Variants in KIAA1217 observed in about 807,000 individuals in gnomAD.
KIAA1217 encodes sickle tail protein homolog.
In KIAA1217, 88 loss-of-function variants were observed where a neutral mutation model predicts 163.9. The observed-to-expected ratio is 0.54, with a 90% CI of 0.45 to 0.64. The LOEUF (loss-of-function observed/expected upper bound fraction) is 0.64. KIAA1217 is among the 30% of genes least tolerant of loss of function. The pLI is 0.00. For synonymous variants in KIAA1217, 903 were observed against 923.1 expected (o/e 0.98, Z 0.39); for missense variants, 2,372 against 2,475.0 (o/e 0.96, Z 0.88).
chr10:24,446,191 G>T (rs988566208), intron 5 of KIAA1217, among the ~76,000 whole-genome samples: 2 of 152,106 alleles, frequency 1.3e-5, no homozygotes, highest in African/African-American at 4.8e-5. Context: ...TTTGAGAAGT[G>T]TCTGTTCATA....
At chr10:23,763,796 T>C (rs1834380567) in intron 1 of KIAA1217, among the ~76,000 whole-genome samples, 1 of 152,194 alleles carries the variant, frequency 6.6e-6, no homozygotes, top group Admixed American at 6.5e-5. Flanking sequence ...CTGTTTCATG[T>C]TGCTGTAAAG....
chr10:24,522,339 CG>C, intron 12 of KIAA1217, among the ~76,000 whole-genome samples: 1 of 151,934 alleles, frequency 6.6e-6, no homozygotes, highest in East Asian at 1.9e-4. Context: ...AAAAAATCAT[CG>C]GAAGGTGGGT....
upstream of KIAA1217, among the ~76,000 whole-genome samples, chr10:24,204,065 T>A (rs1396561832): frequency 6.6e-6 from 1 of 152,222 alleles, no homozygotes; most frequent in Non-Finnish European, 1.5e-5. Context: ...AAAGCAAATA[T>A]GCTTAAAGTA....
Position 23,839,937 on chromosome 10 carries a change from A to G in KIAA1217, c.-321+144703A>G, listed in dbSNP as rs1420036598. Among the ~76,000 whole-genome samples, 4 of 152,108 alleles carry G rather than the reference A, an allele frequency of 2.6e-5. No individual in the cohort carries two copies. The East Asian group carries it at 5.8e-4, about 22-fold the overall frequency. ...AAGGGCATACTTTTAATTGGTGGAA[A>G]TAGGTGGTAAAGGGGCCCCAGCTGC... On this transcript the variant is annotated intron_variant, in intron 1 of 18. Transcript: ENST00000376462.
intron 2 of KIAA1217, among the ~76,000 whole-genome samples, chr10:24,117,035 G>GC (rs2063080390): frequency 1.4e-5 from 2 of 147,336 alleles, no homozygotes; most frequent in South Asian, 2.2e-4. Context: ...TCCAAATAGT[G>GC]TTTTTTTTTT....
chr10:23,806,494 C>G (rs753845607), intron 1 of KIAA1217, among the ~76,000 whole-genome samples: 1 of 152,130 alleles, frequency 6.6e-6, no homozygotes, highest in African/African-American at 2.4e-5. Flanking sequence ...TGATGGTCTT[C>G]CATTTTTACA....
chr10:24,542,578 AAT>A, intron 17 of KIAA1217, 113 bp from the exon 18 acceptor site: 1 of 1,544,458 alleles, frequency 6.5e-7, no homozygotes, highest in Non-Finnish European at 8.8e-7. Context: ...GTGTGTAAGA[AAT>A]ATGCGTGGCC....
At chr10:24,105,917 C>G (rs137860077) in intron 2 of KIAA1217, among the ~76,000 whole-genome samples, 1 of 152,104 alleles carries the variant, frequency 6.6e-6, no homozygotes, top group East Asian at 1.9e-4. Flanking sequence ...GGAAAGAGGG[C>G]CTTGATCGAG....
chr10:23,752,437 G>T (rs943722016), intron 1 of KIAA1217, among the ~76,000 whole-genome samples: 7 of 152,106 alleles, frequency 4.6e-5, no homozygotes, highest in Non-Finnish European at 7.4e-5. Context: ...AATTATGTGT[G>T]GGGGGAAATG....
rs193042074 is a variant in KIAA1217 at position 24,299,543 on chromosome 10, T to A, written c.354+79634T>A. ...CCTCCCAAGTAGCTGAGACCATAGGTGTGCACCACCACGCCTGGCTAATTT... is the reference window on the plus strand; with the variant it reads ...CCTCCCAAGTAGCTGAGACCATAGGAGTGCACCACCACGCCTGGCTAATTT... On this transcript the variant is annotated intron_variant, in intron 2 of 20. Coordinates refer to ENST00000376454, the MANE Select transcript of KIAA1217 (RefSeq NM_019590.5). Among the ~76,000 whole-genome samples the A allele has an allele frequency of 3.3e-5, 5 of 152,180 alleles. No homozygotes were observed. The East Asian group carries it at 9.7e-4, about 29-fold the overall frequency.
intron 2 of KIAA1217, among the ~76,000 whole-genome samples, chr10:24,044,293 A>G (rs967374763): frequency 3.9e-5 from 6 of 152,208 alleles, no homozygotes; most frequent in Non-Finnish European, 8.8e-5. Flanking sequence ...CGTAAGATCA[A>G]GAAATCCAAT....
intron 1 of KIAA1217, among the ~76,000 whole-genome samples, chr10:23,916,628 G>A (rs768835914): frequency 2.0e-4 from 31 of 152,270 alleles, no homozygotes; most frequent in Non-Finnish European, 3.8e-4. Context: ...TGATTGGAGA[G>A]TTTCTTATTC....
intron 2 of KIAA1217, among the ~76,000 whole-genome samples, chr10:24,366,232 G>A (rs1483460467): frequency 6.6e-6 from 1 of 152,106 alleles, no homozygotes; most frequent in Non-Finnish European, 1.5e-5. Context: ...ATCACTTGAG[G>A]TTAGGAGTTT....
intron 1 of KIAA1217, among the ~76,000 whole-genome samples, chr10:23,757,042 T>C (rs1384809181): frequency 6.6e-6 from 1 of 152,252 alleles, no homozygotes; most frequent in African/African-American, 2.4e-5. Flanking sequence ...TCATAGCACA[T>C]GTCAGAATTT....
chr10:24,521,728 G>A, intron 11 of KIAA1217, 54 bp from the exon 12 acceptor site: 1 of 1,581,744 alleles, frequency 6.3e-7, no homozygotes, highest in Non-Finnish European at 8.6e-7. Context: ...GCGGGATGAG[G>A]GTTGTCGTTC....
chr10:23,972,432 G>A (rs184259194), intron 1 of KIAA1217, among the ~76,000 whole-genome samples: 2 of 151,498 alleles, frequency 1.3e-5, no homozygotes, highest in East Asian at 3.9e-4. Context: ...CTATGCAGCT[G>A]TAAAAACGTA....
intron 2 of KIAA1217, among the ~76,000 whole-genome samples, chr10:24,073,989 A>G (rs1486020677): frequency 6.6e-6 from 1 of 152,150 alleles, no homozygotes; most frequent in East Asian, 1.9e-4. Flanking sequence ...GTAGAACAAA[A>G]TGCAGCAAAA....
At chr10:24,089,942 C>T (rs1215884970) in intron 2 of KIAA1217, among the ~76,000 whole-genome samples, 1 of 151,728 alleles carries the variant, frequency 6.6e-6, no homozygotes, top group Non-Finnish European at 1.5e-5. Flanking sequence ...GAAAAAACTA[C>T]TTTAAAGTTC....
intron 1 of KIAA1217, among the ~76,000 whole-genome samples, chr10:24,213,879 T>C (rs1234899691): frequency 6.6e-6 from 1 of 152,146 alleles, no homozygotes; most frequent in Non-Finnish European, 1.5e-5. Flanking sequence ...TATATTATGA[T>C]AGTAACAAGG....
Sources: allele counts gnomAD v4.1 joint callset (sites outside exome capture counted in the v4.1 genomes callset), GRCh38; gene constraint gnomAD v4.1.1; transcripts MANE v1.5; gene names NCBI Gene and HGNC (gene_info 2026-07-23, HGNC 2026-07-21).